Variants in UTP25 observed in about 807,000 individuals in gnomAD.
UTP25 encodes the protein U3 small nucleolar RNA-associated protein 25 homolog.
A neutral mutation model predicts 78.9 loss-of-function variants in UTP25; 50 were observed. The ratio of observed to expected loss-of-function variants is 0.63; its 90% CI spans 0.50 to 0.80. UTP25 has a LOEUF of 0.80. Among genes scored for constraint, UTP25 ranks in the 30% least tolerant of loss-of-function variants. UTP25 has a pLI of 0.00. For synonymous variants in UTP25, 329 were observed against 336.5 expected, an observed-to-expected ratio of 0.98 and a Z score of 0.24; for missense variants, 846 against 911.3, an observed-to-expected ratio of 0.93 and a Z score of 0.92.
intron 6 of UTP25, chr1:209,838,704 G>A (rs113273515): frequency 4.7e-5 from 29 of 612,512 alleles, no homozygotes; most frequent in African/African-American, 2.8e-4. Flanking sequence ...TCTGAAGTCC[G>A]CAGGTCATGG....
chr1:209,842,549 C>A (rs1241868347), intron 9 of UTP25, 34 bp from the exon 10 acceptor site: 1 of 1,610,472 alleles, frequency 6.2e-7, no homozygotes, highest in Non-Finnish European at 8.5e-7. Context: ...AAGGGGATGG[C>A]TGTCCACCTA....
Position 209,842,600 on chromosome 1 carries a change from C to T in UTP25, c.1686C>T (p.Val562=), listed in dbSNP as rs774130216. The T allele has an allele frequency of 1.7e-5, 27 of 1,613,720 alleles. No individual in the cohort carries two copies. In the African/African-American group the frequency reaches 1.7e-4, roughly 10 times the overall value. ...ACTGGCAGGTGGCCGTGAGGAATGT[C>T]CCAATGACAGGCTCTATCAGTCATG... ...NMQGQVAVRN[V]PMTGSISHVL... Residue 562 remains valine (V), a synonymous_variant, in exon 10 of 12, where the codon GTC becomes GTT. Coordinates refer to ENST00000491415, the MANE Select transcript of UTP25 (RefSeq NM_014388.7).
rs1200666552 is a variant in UTP25, at chr1:209,837,058, G to T, written c.909G>T (p.Gly303=). Residue 303 remains glycine, a synonymous_variant, in exon 6 of 12, where the codon GGG becomes GGT. Coordinates refer to ENST00000491415, the MANE Select transcript of UTP25 (RefSeq NM_014388.7). ...CGGAAAGGACTGCTCTGAAGAACGGGGAAGAGATCCGCCATGTGTATTGCC... is the reference window on the plus strand; with the variant it reads ...CGGAAAGGACTGCTCTGAAGAACGGTGAAGAGATCCGCCATGTGTATTGCC... ...FYPERTALKN[G]EEIRHVYCLH... The T allele has an allele frequency of 2.5e-6, 4 of 1,614,110 alleles. No homozygotes were observed. The highest frequency in any genetic ancestry group is 3.4e-6 in the Non-Finnish European group (4 of 1,179,998).
At chr1:209,845,863 CT>C (rs72219049) in intron 11 of UTP25, among the ~76,000 whole-genome samples, 23,159 of 111,154 alleles carry the variant, frequency 0.21, 1,859 homozygotes, top group African/African-American at 0.29. Flanking sequence ...TTTTCTTTTT[CT>C]TTTTTTTTTT....
chr1:209,845,845 T>TTTTTTC (rs1291110799), intron 11 of UTP25, among the ~76,000 whole-genome samples: 9 of 150,426 alleles, frequency 6.0e-5, no homozygotes, highest in African/African-American at 1.5e-4. Context: ...TAAGTACTTT[T>TTTTTTC]TTTTTCTTTT....
intron 1 of UTP25, 77 bp from the exon 2 acceptor site, chr1:209,830,029 TCA>T: frequency 7.8e-7 from 1 of 1,285,414 alleles, no homozygotes. Context: ...TCTGCCTTTT[TCA>T]TTTAACATCT....
At chr1:209,835,467 T>G (rs577047320) in intron 5 of UTP25, among the ~76,000 whole-genome samples, 67 of 152,226 alleles carry the variant, frequency 4.4e-4, no homozygotes, top group Non-Finnish European at 6.6e-4. Flanking sequence ...TTTTTTGCTA[T>G]TCACTATTCT....
chr1:209,847,926 C>T (rs2078207978), intron 11 of UTP25, among the ~76,000 whole-genome samples: 1 of 152,200 alleles, frequency 6.6e-6, no homozygotes, highest in Non-Finnish European at 1.5e-5. Context: ...GAATAACTCT[C>T]TTGCTTTTTT....
chr1:209,833,329 G>A lies in UTP25; in HGVS notation c.533G>A (p.Gly178Glu). ...LETNFLEEES[G>E]DNSSLKASQD... ...ACCAATTTTCTGGAAGAGGAAAGTGGAGACAACTCTTCTTTGAAAGCCTCT... is the reference window on the plus strand; with the variant it reads ...ACCAATTTTCTGGAAGAGGAAAGTGAAGACAACTCTTCTTTGAAAGCCTCT... The change falls in exon 4 of 12, where the codon GGA (glycine) becomes GAA (glutamate). Residue 178 changes from glycine to glutamate, a missense_variant. By Grantham distance (98) the Gly-to-Glu change is moderately conservative (BLOSUM62 -2). Transcript: ENST00000491415. The A allele has an allele frequency of 6.3e-7, 1 of 1,585,686 alleles. No individual in the cohort carries two copies. Among genetic ancestry groups the A allele is most frequent in the East Asian group, 2.2e-5 (1 of 44,490 alleles).
At chr1:209,842,495 T>C (rs751435347) in intron 9 of UTP25, 48 bp downstream of exon 9, 1 of 1,612,764 alleles carries the variant, frequency 6.2e-7, no homozygotes, top group Non-Finnish European at 8.5e-7. Context: ...CACTGTTTAT[T>C]GTTTGGGTCC....
In UTP25 at chr1:209,843,723, CCT is replaced by C; in HGVS notation, c.2027+32_2027+33del. 1.9e-6 allele frequency: 3 copies of C among 1,605,294 alleles called. 1 individual carries two copies. The South Asian group carries it at 3.3e-5, about 18-fold the overall frequency. On this transcript the variant is annotated intron_variant, in intron 11 of 11. Transcript: ENST00000491415. The stretch of plus-strand genomic sequence containing the variant: ...TAAAGTGGTGCCAGGTTTCAAGCCT[CCT>C]CTCTGAAGGGGAGGTGCAGGACAAA...
chr1:209,837,316 G>A, intron 6 of UTP25, 105 bp downstream of exon 6: 1 of 1,338,650 alleles, frequency 7.5e-7, no homozygotes, highest in South Asian at 1.5e-5. Flanking sequence ...TAATTGACTG[G>A]CATAATGAAT....
chr1:209,836,602 G>A lies in UTP25; in HGVS notation c.652-199G>A, dbSNP rs548836130. Reference sequence around the variant, plus strand: ...CTCCATTTTCTTCTGTGTAAACTTTGTATCATACAACCTCTGTATGAACCT... The same window carrying A: ...CTCCATTTTCTTCTGTGTAAACTTTATATCATACAACCTCTGTATGAACCT... On this transcript the variant is annotated intron_variant, in intron 5 of 11. Transcript: ENST00000491415. Among the ~76,000 whole-genome samples the A allele has an allele frequency of 6.6e-5, 10 of 152,236 alleles. No homozygotes were observed. In the South Asian group the frequency reaches 1.0e-3, roughly 16 times the overall value.
intron 11 of UTP25, among the ~76,000 whole-genome samples, chr1:209,847,150 T>C (rs1486040954): frequency 6.6e-6 from 1 of 152,200 alleles, no homozygotes; most frequent in African/African-American, 2.4e-5. Context: ...AAGACTAACA[T>C]TTTGGCCTGT....
intron 11 of UTP25, among the ~76,000 whole-genome samples, chr1:209,844,845 C>T (rs1188012774): frequency 1.3e-5 from 2 of 152,014 alleles, no homozygotes; most frequent in Admixed American, 1.3e-4. Flanking sequence ...ATGTAAAAGG[C>T]TTTTTTTAAC....
rs2078239202 is a variant in UTP25, at chr1:209,851,591, C to T, written c.*144C>T. On this transcript the variant is annotated 3_prime_UTR_variant, in exon 12 of 12. Transcript: ENST00000491415. ...AATGTCAGTATTATCTGACATCTTT[C>T]TTTTCAGGTCATGTGTCCCTGAAAA... The T allele has an allele frequency of 3.6e-6, 4 of 1,098,002 alleles. No homozygotes were observed. The African/African-American group carries it at 4.8e-5, about 13-fold the overall frequency. The allele number at this position is 1,098,002 out of a possible 1,614,324, so 68.0% of individuals were successfully genotyped here.
Position 209,839,064 on chromosome 1 carries a change from C to A in UTP25, c.1218C>A (p.Asn406Lys). 3 of 1,614,110 alleles carry A rather than the reference C, an allele frequency of 1.9e-6. No individual in the cohort carries two copies. Among genetic ancestry groups the A allele is most frequent in the Non-Finnish European group, 2.5e-6 (3 of 1,179,972 alleles). ...CAGATCCCGAGGAGAGACCACCCAA[C>A]TTGAAGAGGCCTGAGGATTATGAAG... ...YGSDPEERPP[N>K]LKRPEDYEAV... The change falls in exon 7 of 12, where the codon AAC becomes AAA. Residue 406 changes from asparagine (N) to lysine (K), a missense_variant. Physicochemically the swap from Asn to Lys is moderately conservative, Grantham distance 94. Transcript: ENST00000491415.
At chr1:209,848,519 T>C (rs1339682294) in intron 11 of UTP25, among the ~76,000 whole-genome samples, 1 of 152,210 alleles carries the variant, frequency 6.6e-6, no homozygotes, top group East Asian at 1.9e-4. Flanking sequence ...AACATCCATA[T>C]GCATATGTTT....
In UTP25 at chr1:209,837,085, G is replaced by A; in HGVS notation, c.936G>A (p.Leu312=). 1 of 1,614,136 alleles carries A rather than the reference G, an allele frequency of 6.2e-7. No individual in the cohort carries two copies. Among genetic ancestry groups the A allele is most frequent in the Non-Finnish European group, 8.5e-7 (1 of 1,180,014 alleles). The change falls in exon 6 of 12, where the codon CTG becomes CTA. Residue 312 remains leucine, a synonymous_variant. Coordinates refer to ENST00000491415, the MANE Select transcript of UTP25 (RefSeq NM_014388.7). ...AAGAGATCCGCCATGTGTATTGCCT[G>A]CATGTGATAAATCACATCCTCAAAG... is the stretch of plus-strand genomic sequence containing the variant. ...NGEEIRHVYC[L]HVINHILKAN...
Sources: gnomAD v4.1 joint callset for allele counts (sites outside exome capture counted in the v4.1 genomes callset) on GRCh38, gnomAD v4.1.1 for gene constraint, MANE v1.5 for transcripts, NCBI Gene and HGNC (gene_info 2026-07-23, HGNC 2026-07-21) for gene names.